Variants in TAB3 observed in about 807,000 individuals in gnomAD.
The protein encoded by TAB3 is TGF-beta activated kinase 1 (MAP3K7) binding protein 3.
A neutral mutation model predicts 48.1 loss-of-function variants in TAB3; 18 were observed. The ratio of observed to expected loss-of-function variants is 0.37; its 90% CI spans 0.26 to 0.55. TAB3 has a LOEUF of 0.55. Among genes scored for constraint, TAB3 ranks in the 20% least tolerant of loss-of-function variants. The pLI is 0.78. For missense variants in TAB3, 414 were observed against 549.8 expected (o/e 0.75, Z 2.47); for synonymous variants, 185 against 190.2 (o/e 0.97, Z 0.22).
chrX:30,853,831 C>T lies in TAB3; in HGVS notation c.1549+285G>A, dbSNP rs575887535. On this transcript the variant is annotated intron_variant, in intron 6 of 10. Coordinates refer to ENST00000288422, the MANE Select transcript of TAB3 (RefSeq NM_152787.5). ...CTGGGATTGCAGGCATGCGCCACCACACCCAGCTAAGTTTTGTATTTTTAG... is the reference window on the plus strand; with the variant it reads ...CTGGGATTGCAGGCATGCGCCACCATACCCAGCTAAGTTTTGTATTTTTAG... Among the ~76,000 whole-genome samples, 33 of 111,618 alleles carry T rather than the reference C, an allele frequency of 3.0e-4. No homozygotes were observed. In the South Asian group the frequency reaches 0.012, roughly 42 times the overall value.
Position 30,854,960 on chromosome X carries a change from T to G in TAB3, c.705A>C (p.Thr235=). 5.0e-6 allele frequency: 6 copies of G among 1,209,216 alleles called. No homozygotes were observed. Among genetic ancestry groups the G allele is most frequent in the Non-Finnish European group, 6.7e-6 (6 of 893,959 alleles). The change falls in exon 6 of 11, where the codon ACA becomes ACC. Residue 235 remains threonine, a synonymous_variant. Coordinates refer to ENST00000288422, the MANE Select transcript of TAB3 (RefSeq NM_152787.5). The part of the protein sequence containing the change: ...GSPGSIYIRQ[T]SQSSSGRQTP... ...TTTGTCTTCCTGATGAACTCTGAGATGTCTGTCTAATATAAATAGAACCAG... is the reference window on the plus strand; with the variant it reads ...TTTGTCTTCCTGATGAACTCTGAGAGGTCTGTCTAATATAAATAGAACCAG...
chrX:30,874,875 A>C (rs2147401169), intron 1 of TAB3, among the ~76,000 whole-genome samples: 1 of 112,403 alleles, frequency 8.9e-6, no homozygotes, highest in South Asian at 3.7e-4. Context: ...TGGAAAGCAA[A>C]GACGCATCTC....
Position 30,871,742 on chromosome X carries a change from C to A in TAB3, c.-323G>T, listed in dbSNP as rs1341965472. The A allele has an allele frequency of 8.9e-6, 1 of 111,833 alleles. No homozygotes were observed. Among genetic ancestry groups the A allele is most frequent in the African/African-American group, 3.3e-5 (1 of 30,722 alleles). 9.2% of individuals were successfully genotyped at this position (111,833 alleles called of 1,213,427 possible). A position where few individuals can be genotyped will look rare whatever the true frequency, so the allele number is the denominator to read the frequency against. ...TGAAAATTCAACTAAGATAATTCAT[C>A]CAGTTTGACACAACACAATCCACGG... On this transcript the variant is annotated 5_prime_UTR_variant, in exon 2 of 11. Coordinates refer to ENST00000288422, the MANE Select transcript of TAB3 (RefSeq NM_152787.5).
At chrX:30,836,380 G>A (rs1485958420) in intron 9 of TAB3, 1 of 111,161 alleles carries the variant, frequency 9.0e-6, no homozygotes, top group African/African-American at 3.3e-5. Context: ...ACTGCTTGGG[G>A]TAGGAGTCAT....
chrX:30,872,289 T>A (rs1315918143), intron 1 of TAB3, among the ~76,000 whole-genome samples: 1 of 111,889 alleles, frequency 8.9e-6, no homozygotes, highest in Admixed American at 9.4e-5. Context: ...AGGAACTTTT[T>A]AAAATTCCCA....
rs977090000 is a variant in TAB3, at chrX:30,828,602, A to G, written c.*2825T>C. Reference sequence around the variant, plus strand: ...AAACTACTCCAAAATTTAAGGGGCAATGTACTTTAACAAAATGGCAAACGT... The same window carrying G: ...AAACTACTCCAAAATTTAAGGGGCAGTGTACTTTAACAAAATGGCAAACGT... On this transcript the variant is annotated 3_prime_UTR_variant, in exon 11 of 11. Coordinates refer to ENST00000288422, the MANE Select transcript of TAB3 (RefSeq NM_152787.5). 1 of 112,787 alleles carries G rather than the reference A, an allele frequency of 8.9e-6. No individual in the cohort carries two copies. 9.3% of individuals were successfully genotyped at this position (112,787 alleles called of 1,213,427 possible). A position where few individuals can be genotyped will look rare whatever the true frequency, so the allele number is the denominator to read the frequency against.
At position 30,827,912 on chromosome X, in the gene TAB3, C is replaced by G. The variant is rs750055781; in HGVS notation, c.*3515G>C. The G allele has an allele frequency of 8.9e-6, 1 of 112,042 alleles. No individual in the cohort carries two copies. The highest frequency in any genetic ancestry group is 1.9e-5 in the Non-Finnish European group (1 of 53,098). 9.2% of individuals were successfully genotyped at this position (112,042 alleles called of 1,213,427 possible). ...AATAGGCAAATACTGTTAATTCTTT[C>G]GAAAAGATACAGTAGTGGTGCAACA... is the stretch of plus-strand genomic sequence containing the variant. On this transcript the variant is annotated 3_prime_UTR_variant, in exon 11 of 11. Transcript: ENST00000288422.
rs1177645002 is a variant in TAB3, at chrX:30,867,225, G to A, written c.-194-7C>T. On this transcript the variant is annotated splice_region_variant and splice_polypyrimidine_tract_variant and intron_variant, in intron 3 of 10. Transcript: ENST00000288422. ...GGGTTTCCTGGATGGAATCCTGAAA[G>A]AGGAAAAAAAACATGTTCAGTAAAA... The A allele has an allele frequency of 9.0e-6, 1 of 111,204 alleles. No homozygotes were observed. 9.2% of individuals were successfully genotyped at this position (111,204 alleles called of 1,213,427 possible). A position where few individuals can be genotyped will look rare whatever the true frequency, so the allele number is the denominator to read the frequency against.
Position 30,840,014 on chromosome X carries a change from T to C in TAB3, c.1888+2952A>G, listed in dbSNP as rs748646194. Among the ~76,000 whole-genome samples the C allele has an allele frequency of 2.1e-3, 219 of 105,945 alleles. 1 individual carries two copies. The highest frequency in any genetic ancestry group is 3.7e-3 in the Non-Finnish European group (189 of 51,648). The allele number at this position is 105,945 out of a possible 115,157, so 92.0% of individuals were successfully genotyped here. A position where few individuals can be genotyped will look rare whatever the true frequency, so the allele number is the denominator to read the frequency against. ...TCTTGTTTTCAGTTTGGGTAGATTA[T>C]ATTGTTCAGGAAATCTGTCCACTTT... On this transcript the variant is annotated intron_variant, in intron 9 of 10. Transcript: ENST00000288422.
intron 7 of TAB3, among the ~76,000 whole-genome samples, chrX:30,847,875 G>A (rs966153233): frequency 2.7e-5 from 3 of 111,930 alleles, no homozygotes; most frequent in African/African-American, 9.7e-5. Flanking sequence ...TCCACAGAAT[G>A]CTAGAGGAAC....
At chrX:30,846,399 C>G (rs5972245) in intron 8 of TAB3, 152 bp downstream of exon 8, 6,964 of 406,128 alleles carry the variant, frequency 0.017, 407 homozygotes, top group African/African-American at 0.16. Flanking sequence ...AAATCTGATC[C>G]ATGACCATGG....
intron 1 of TAB3, among the ~76,000 whole-genome samples, chrX:30,875,118 A>G (rs756578905): frequency 8.9e-6 from 1 of 111,804 alleles, no homozygotes; most frequent in South Asian, 3.7e-4. Flanking sequence ...TGGGGTCAGG[A>G]TATTATATGA....
intron 6 of TAB3, among the ~76,000 whole-genome samples, chrX:30,853,181 G>A (rs1938924365): frequency 1.8e-5 from 2 of 111,929 alleles, no homozygotes; most frequent in South Asian, 7.4e-4. Context: ...TTATACTTAT[G>A]TGTGTTTTGA....
chrX:30,846,413 A>AG lies in TAB3; in HGVS notation c.1804+137dup, dbSNP rs755664968. 1.4e-4 allele frequency: 63 copies of AG among 439,815 alleles called. 1 individual carries two copies. The South Asian group carries it at 2.8e-3, about 20-fold the overall frequency. 36.2% of individuals were successfully genotyped at this position (439,815 alleles called of 1,213,427 possible). A position where few individuals can be genotyped will look rare whatever the true frequency, so the allele number is the denominator to read the frequency against. On this transcript the variant is annotated intron_variant, in intron 8 of 10. Coordinates refer to ENST00000288422, the MANE Select transcript of TAB3 (RefSeq NM_152787.5). ...CAAATCTGATCCATGACCATGGGACAGGGGGATCTCTTTCCCAGGATTGTA... is the reference window on the plus strand; with the variant it reads ...CAAATCTGATCCATGACCATGGGACAGGGGGGATCTCTTTCCCAGGATTGTA...
chrX:30,886,014 T>A (rs761470446), intron 1 of TAB3, among the ~76,000 whole-genome samples: 4 of 111,542 alleles, frequency 3.6e-5, no homozygotes, highest in Non-Finnish European at 7.5e-5. Flanking sequence ...AGTAGAGAAA[T>A]TTGAAGCAGG....
intron 1 of TAB3, among the ~76,000 whole-genome samples, chrX:30,884,054 G>A (rs1426308932): frequency 9.0e-6 from 1 of 111,318 alleles, no homozygotes; most frequent in African/African-American, 3.3e-5. Flanking sequence ...AAAAAAATAA[G>A]CTTAATATTC....
chrX:30,864,803 G>GTTT (rs35078525), intron 4 of TAB3, among the ~76,000 whole-genome samples: 5 of 91,744 alleles, frequency 5.4e-5, no homozygotes, highest in African/African-American at 1.8e-4. Flanking sequence ...GTGTGTGTGT[G>GTTT]TTTTTTTTTT....
chrX:30,832,211 A>T (rs764389218), intron 10 of TAB3, among the ~76,000 whole-genome samples: 1 of 112,319 alleles, frequency 8.9e-6, no homozygotes, highest in African/African-American at 3.2e-5. Flanking sequence ...CATTTTTGGC[A>T]TTAAAAATCC....
Position 30,828,363 on chromosome X carries a change from A to G in TAB3, c.*3064T>C, listed in dbSNP as rs981539746. On this transcript the variant is annotated 3_prime_UTR_variant, in exon 11 of 11. Transcript: ENST00000288422. ...CCTTAAAAATTAAACTGCTTATCACACTTCCCATTTCTTCCAGGGAAATAA... is the reference window on the plus strand; with the variant it reads ...CCTTAAAAATTAAACTGCTTATCACGCTTCCCATTTCTTCCAGGGAAATAA... 1 of 113,841 alleles carries G rather than the reference A, an allele frequency of 8.8e-6. No homozygotes were observed. The highest frequency in any genetic ancestry group is 1.9e-5 in the Non-Finnish European group (1 of 53,342). 9.4% of individuals were successfully genotyped at this position (113,841 alleles called of 1,213,427 possible).
Sources: gnomAD v4.1 joint callset for allele counts (sites outside exome capture counted in the v4.1 genomes callset) on GRCh38, gnomAD v4.1.1 for gene constraint, MANE v1.5 for transcripts, NCBI Gene and HGNC (gene_info 2026-07-23, HGNC 2026-07-21) for gene names.